The following PDE1C variants were observed in gnomAD, a reference collection of about 807,000 sequenced individuals.
PDE1C encodes the protein phosphodiesterase 1C.
In PDE1C, 62 loss-of-function variants were observed where a neutral mutation model predicts 93.1. The ratio of observed to expected loss-of-function variants is 0.67; its 90% confidence interval spans 0.54 to 0.82. The LOEUF is 0.82. PDE1C is among the 40% of genes least tolerant of loss of function. The pLI, the probability that PDE1C is intolerant of heterozygous loss-of-function variation, is 0.00. For synonymous variants in PDE1C, 325 were observed against 310.1 expected (o/e 1.05, Z -0.50); for missense variants, 742 against 884.6 (o/e 0.84, Z 2.04).
intron 1 of PDE1C, among the ~76,000 whole-genome samples, chr7:32,327,789 A>AAAG (rs1554306795): frequency 9.8e-5 from 13 of 132,320 alleles, no homozygotes; most frequent in African/African-American, 1.9e-4. Flanking sequence ...AAAAAAAAAA[A>AAAG]AGAGAATCAT....
the PDE1C span, among the ~76,000 whole-genome samples, chr7:31,676,304 C>T: frequency 6.6e-6 from 1 of 151,852 alleles, no homozygotes; most frequent in African/African-American, 2.4e-5. Flanking sequence ...GGAAAATTGT[C>T]CATATTTTAG....
rs368464500 is a variant in PDE1C, at chr7:31,856,429, C to T, written c.751-5688G>A. ...AAATGAGCTCATTTAAGAAAGCATGCAGTAAATCATGATCACTGCTATGAT... is the reference window on the plus strand; with the variant it reads ...AAATGAGCTCATTTAAGAAAGCATGTAGTAAATCATGATCACTGCTATGAT... On this transcript the variant is annotated intron_variant, in intron 7 of 17. Transcript: ENST00000396191. Among the ~76,000 whole-genome samples, 7 of 152,282 alleles carry T rather than the reference C, an allele frequency of 4.6e-5. No individual in the cohort carries two copies. In the South Asian group the frequency reaches 1.5e-3, roughly 32 times the overall value.
At chr7:32,152,494 C>T (rs1228396127) in intron 3 of PDE1C, among the ~76,000 whole-genome samples, 2 of 152,106 alleles carry the variant, frequency 1.3e-5, no homozygotes, top group African/African-American at 4.8e-5. Context: ...CAAATGATCC[C>T]AGTTGCATGA....
chr7:31,707,950 A>G, the PDE1C span: 1 of 152,178 alleles, frequency 6.6e-6, no homozygotes, highest in African/African-American at 2.4e-5. Context: ...TGTATCTTCA[A>G]ATTTATTTTT....
At chr7:31,943,295 T>C (rs1806098543) in intron 2 of PDE1C, among the ~76,000 whole-genome samples, 1 of 152,156 alleles carries the variant, frequency 6.6e-6, no homozygotes, top group South Asian at 2.1e-4. Context: ...ATATGTGAGG[T>C]ATAGCCCAGG....
chr7:32,285,632 AT>A (rs1485430145), intron 1 of PDE1C, among the ~76,000 whole-genome samples: 1 of 151,930 alleles, frequency 6.6e-6, no homozygotes, highest in African/African-American at 2.4e-5. Flanking sequence ...TTACACCTCA[AT>A]AAAGCTGAAG....
chr7:31,812,848 A>T (rs976388243), intron 15 of PDE1C, among the ~76,000 whole-genome samples: 6 of 152,096 alleles, frequency 3.9e-5, no homozygotes, highest in African/African-American at 1.4e-4. Context: ...GCACCAAACC[A>T]CAGGGACAAG....
At chr7:31,790,237 A>C (rs1562799648) in intron 16 of PDE1C, 3 of 1,612,908 alleles carry the variant, frequency 1.9e-6, no homozygotes, top group Non-Finnish European at 2.5e-6. Context: ...ATTGTCTATG[A>C]GGTCTTTTTT....
intron 2 of PDE1C, among the ~76,000 whole-genome samples, chr7:31,894,719 G>A (rs1562987464): frequency 1.3e-5 from 2 of 152,154 alleles, no homozygotes; most frequent in South Asian, 4.1e-4. Context: ...CCCTAGTTCC[G>A]CCTAGTGCAG....
intron 1 of PDE1C, among the ~76,000 whole-genome samples, chr7:32,291,311 C>T (rs762227419): frequency 1.3e-5 from 2 of 152,236 alleles, no homozygotes; most frequent in Non-Finnish European, 2.9e-5. Context: ...AGGTTAGATG[C>T]TTCTGTATCT....
At chr7:32,172,157 T>A (rs1802693825) in intron 2 of PDE1C, among the ~76,000 whole-genome samples, 1 of 151,938 alleles carries the variant, frequency 6.6e-6, no homozygotes, top group African/African-American at 2.4e-5. Context: ...ACCATTACCA[T>A]TAACCAATTG....
At chr7:31,945,835 T>C (rs1443328193) in intron 2 of PDE1C, among the ~76,000 whole-genome samples, 1 of 152,186 alleles carries the variant, frequency 6.6e-6, no homozygotes, top group Non-Finnish European at 1.5e-5. Context: ...AGTCTCACAG[T>C]TCTAGGGTGT....
intron 1 of PDE1C, among the ~76,000 whole-genome samples, chr7:32,377,158 C>T (rs901261313): frequency 3.9e-5 from 6 of 152,248 alleles, no homozygotes; most frequent in African/African-American, 1.4e-4. Flanking sequence ...ACAACGACTC[C>T]AGGACAGTCA....
chr7:31,951,524 G>A (rs1392259765), intron 2 of PDE1C, among the ~76,000 whole-genome samples: 1 of 152,200 alleles, frequency 6.6e-6, no homozygotes, highest in African/African-American at 2.4e-5. Flanking sequence ...AGGCAAAAGA[G>A]AGATGGTGAA....
At chr7:32,067,482 T>C (rs1360482110) in intron 1 of PDE1C, among the ~76,000 whole-genome samples, 1 of 152,168 alleles carries the variant, frequency 6.6e-6, no homozygotes, top group African/African-American at 2.4e-5. Context: ...TTGGAATGTA[T>C]AGGGGACACC....
In PDE1C at chr7:32,420,363, ATGTG is replaced by A. The variant is rs111910650; in HGVS notation, c.310+7455_310+7458del. ...TGTGTATATATATGTGTATATATAT[ATGTG>A]TATATATATGTGTATATATATATAT... On this transcript the variant is annotated intron_variant, in intron 1 of 1. Transcript: ENST00000672256. 2.3e-3 allele frequency among the ~76,000 whole-genome samples: 27 copies of A among 11,672 alleles called. 9 individuals carry two copies. The highest frequency in any genetic ancestry group is 7.8e-3 in the African/African-American group (27 of 3,478). 7.7% of individuals were successfully genotyped at this position (11,672 alleles called of 152,430 possible).
chr7:31,662,184 T>C, the PDE1C span, among the ~76,000 whole-genome samples: 2 of 152,194 alleles, frequency 1.3e-5, no homozygotes, highest in Non-Finnish European at 2.9e-5. Context: ...TGGAAGGGAA[T>C]ATGGTCCTGC....
At chr7:31,620,827 CA>C in the PDE1C span, among the ~76,000 whole-genome samples, 18 of 152,184 alleles carry the variant, frequency 1.2e-4, no homozygotes, top group African/African-American at 4.3e-4. Context: ...GGAGGAAATT[CA>C]AACCAAAGGC....
intron 3 of PDE1C, among the ~76,000 whole-genome samples, chr7:32,087,345 G>C (rs913185576): frequency 6.6e-6 from 1 of 152,074 alleles, no homozygotes; most frequent in Non-Finnish European, 1.5e-5. Context: ...AAAAAGTCAG[G>C]AAACAACAGT....
Sources: gnomAD v4.1 joint callset for allele counts (sites outside exome capture counted in the v4.1 genomes callset) on GRCh38, gnomAD v4.1.1 for gene constraint, MANE v1.5 for transcripts, NCBI Gene and HGNC (gene_info 2026-07-23, HGNC 2026-07-21) for gene names.